DLGAP5: variants seen among roughly 807,000 people sequenced by gnomAD.
DLGAP5 encodes the protein DLG associated protein 5, also known as disks large-associated protein 5.
A neutral mutation model predicts 99.6 loss-of-function variants in DLGAP5; 90 were observed. The ratio of observed to expected loss-of-function variants is 0.90; its 90% CI spans 0.76 to 1.08. DLGAP5 has a LOEUF of 1.08. Ranked by LOEUF, DLGAP5 falls within the 50% of genes least tolerant of loss-of-function variation. DLGAP5 has a pLI of 0.00. For synonymous variants in DLGAP5, 311 were observed against 321.3 expected (o/e 0.97, Z 0.34); for missense variants, 1,036 against 983.5 (o/e 1.05, Z -0.71).
chr14:55,175,255 C>A, intron 10 of DLGAP5, 91 bp downstream of exon 10: 1 of 1,141,646 alleles, frequency 8.8e-7, no homozygotes, highest in Non-Finnish European at 1.2e-6. Flanking sequence ...CCAGTTTTCC[C>A]CCACTATATT....
intron 10 of DLGAP5, among the ~76,000 whole-genome samples, chr14:55,172,981 C>CAAAAA (rs71291818): frequency 1.7e-3 from 106 of 61,740 alleles, no homozygotes; most frequent in African/African-American, 2.0e-3. Flanking sequence ...GACTCCGTCT[C>CAAAAA]AAAAAAAAAA....
chr14:55,186,552 T>TAGTC (rs2139536609), intron 2 of DLGAP5, among the ~76,000 whole-genome samples: 1 of 152,140 alleles, frequency 6.6e-6, no homozygotes, highest in South Asian at 2.1e-4. Flanking sequence ...TGACAAAAGG[T>TAGTC]AGTCAGTTTT....
At chr14:55,172,707 G>A (rs557224989) in intron 10 of DLGAP5, among the ~76,000 whole-genome samples, 4 of 151,952 alleles carry the variant, frequency 2.6e-5, no homozygotes, top group African/African-American at 7.3e-5. Flanking sequence ...CAGAGGGTCG[G>A]GCACGGTGGC....
chr14:55,166,726 T>C (rs776856910), intron 12 of DLGAP5, among the ~76,000 whole-genome samples: 1 of 150,962 alleles, frequency 6.6e-6, no homozygotes, highest in African/African-American at 2.4e-5. Flanking sequence ...TGAAACTCCA[T>C]CTCAAAAAAA....
chr14:55,171,385 C>T (rs1467291970), intron 10 of DLGAP5, among the ~76,000 whole-genome samples: 3 of 152,068 alleles, frequency 2.0e-5, no homozygotes, highest in Non-Finnish European at 2.9e-5. Context: ...AGGATATATA[C>T]CCACAACAAG....
intron 10 of DLGAP5, among the ~76,000 whole-genome samples, chr14:55,172,354 A>G (rs937642501): frequency 2.8e-4 from 43 of 151,508 alleles, no homozygotes; most frequent in Admixed American, 6.6e-5. Flanking sequence ...AAAAAAAAAA[A>G]GTATTTAAAA....
intron 10 of DLGAP5, among the ~76,000 whole-genome samples, chr14:55,172,096 C>T (rs912650165): frequency 1.3e-4 from 20 of 151,946 alleles, no homozygotes; most frequent in African/African-American, 3.9e-4. Context: ...GAACTCCTGA[C>T]CTCAGGTGAT....
intron 1 of DLGAP5, among the ~76,000 whole-genome samples, chr14:55,190,495 G>A (rs952510985): frequency 3.3e-5 from 5 of 152,104 alleles, no homozygotes; most frequent in African/African-American, 9.7e-5. Flanking sequence ...GAACTACCAA[G>A]CCAAACTGGA....
At chr14:55,162,484 T>C (rs1882480562) in intron 13 of DLGAP5, among the ~76,000 whole-genome samples, 1 of 152,084 alleles carries the variant, frequency 6.6e-6, no homozygotes, top group African/African-American at 2.4e-5. Context: ...CCGGGTGTGG[T>C]GGCTGGCGCC....
intron 2 of DLGAP5, among the ~76,000 whole-genome samples, chr14:55,186,504 T>C (rs1297176442): frequency 6.6e-6 from 1 of 152,186 alleles, no homozygotes; most frequent in Admixed American, 6.5e-5. Context: ...CTAAAACAGA[T>C]CCTCCTCCCC....
At chr14:55,153,256 G>A (rs558310751) in intron 15 of DLGAP5, among the ~76,000 whole-genome samples, 1 of 152,232 alleles carries the variant, frequency 6.6e-6, no homozygotes, top group East Asian at 1.9e-4. Flanking sequence ...AGAAATATCT[G>A]TTTTGGCCAG....
In DLGAP5 at chr14:55,189,295, G is replaced by A. The variant is rs1054049233; in HGVS notation, c.-1-115C>T. On this transcript the variant is annotated intron_variant, in intron 1 of 18. Transcript: ENST00000247191. ...GCCTTCTGAAATAAAAATATAAAAT[G>A]TGCAATGAAATAAATATGTAACACT... 3.7e-5 allele frequency: 28 copies of A among 765,654 alleles called. No individual in the cohort carries two copies. The African/African-American group carries it at 3.7e-4, about 10-fold the overall frequency. 47.4% of individuals were successfully genotyped at this position (765,654 alleles called of 1,614,324 possible).
chr14:55,175,306 A>G (rs988506459), intron 10 of DLGAP5, 40 bp downstream of exon 10: 1 of 1,584,428 alleles, frequency 6.3e-7, no homozygotes, highest in Non-Finnish European at 8.6e-7. Context: ...ATGTCTAGAT[A>G]TTAATACAAA....
Position 55,168,528 on chromosome 14 carries a change from T to G in DLGAP5, c.1548+871A>C, listed in dbSNP as rs72718818. ...TGGCTGTTGGTTCTTGAAATGCTAT[T>G]TTATATGCTTATTTCTAAAATAAGT... On this transcript the variant is annotated intron_variant, in intron 12 of 18. Transcript: ENST00000247191. Among the ~76,000 whole-genome samples the G allele has an allele frequency of 6.6e-3, 999 of 152,046 alleles. 9 individuals carry two copies. Among genetic ancestry groups the G allele is most frequent in the Middle Eastern group, 0.027 (8 of 292 alleles).
intron 13 of DLGAP5, among the ~76,000 whole-genome samples, 159 bp from the exon 14 acceptor site, chr14:55,158,900 G>A (rs1882309380): frequency 6.6e-6 from 1 of 152,068 alleles, no homozygotes; most frequent in Non-Finnish European, 1.5e-5. Context: ...CCTAGTATGT[G>A]CTAAAAGGTA....
intron 13 of DLGAP5, among the ~76,000 whole-genome samples, chr14:55,161,409 T>G (rs139462144): frequency 8.9e-5 from 4 of 44,738 alleles, no homozygotes; most frequent in Non-Finnish European, 1.5e-4. Flanking sequence ...AAAAAAAAAA[T>G]TTTTTTTTTT....
At position 55,182,366 on chromosome 14, in the gene DLGAP5, A is replaced by G. The variant is rs145304286; in HGVS notation, c.495+4T>C. 1.2e-4 allele frequency: 186 copies of G among 1,610,624 alleles called. 2 individuals are homozygous for G. The African/African-American group carries it at 1.9e-3, about 16-fold the overall frequency. On this transcript the variant is annotated splice_donor_region_variant and intron_variant, in intron 4 of 18. Coordinates refer to ENST00000247191, the MANE Select transcript of DLGAP5 (RefSeq NM_014750.5). ...TAGTAACAATTATCTACTATCAACT[A>G]TACCTTAGTCTGCTCCATTTGGTCT... is the stretch of plus-strand genomic sequence containing the variant.
chr14:55,189,375 A>C (rs995397267), intron 1 of DLGAP5, among the ~76,000 whole-genome samples, 195 bp from the exon 2 acceptor site: 3 of 152,244 alleles, frequency 2.0e-5, no homozygotes, highest in Admixed American at 2.0e-4. Flanking sequence ...TGGGGGTTTT[A>C]AATAGGAACT....
At chr14:55,163,117 A>G (rs745684548) in intron 12 of DLGAP5, 42 bp from the exon 13 acceptor site, 6 of 1,274,372 alleles carry the variant, frequency 4.7e-6, no homozygotes, top group Non-Finnish European at 6.5e-6. Context: ...TGCTAGCCAT[A>G]TTAAAGTTAT....
Sources: allele counts gnomAD v4.1 joint callset (sites outside exome capture counted in the v4.1 genomes callset), GRCh38; gene constraint gnomAD v4.1.1; transcripts MANE v1.5; gene names NCBI Gene and HGNC (gene_info 2026-07-23, HGNC 2026-07-21).